Variants in CLDN10 observed in about 807,000 individuals in gnomAD.
CLDN10 encodes the protein claudin-10.
A neutral mutation model predicts 22.9 loss-of-function variants in CLDN10; 15 were observed. The observed-to-expected ratio is 0.65, with a 90% confidence interval of 0.44 to 1.01. The LOEUF is 1.01. CLDN10 is among the 50% of genes least tolerant of loss of function. The probability of loss-of-function intolerance (pLI) is 0.00; values close to 1 mark genes in which losing one functional copy is unlikely to be tolerated. For synonymous variants in CLDN10, 114 were observed against 111.4 expected, an observed-to-expected ratio of 1.02 and a Z score of -0.15; for missense variants, 247 against 287.8, an observed-to-expected ratio of 0.86 and a Z score of 1.03.
intron 3 of CLDN10, among the ~76,000 whole-genome samples, chr13:95,567,817 G>A (rs1336148113): frequency 5.3e-5 from 8 of 152,174 alleles, no homozygotes; most frequent in African/African-American, 2.4e-5. Context: ...TTTATTGAGA[G>A]TTTTTAGCAT....
intron 1 of CLDN10, among the ~76,000 whole-genome samples, chr13:95,543,863 G>T (rs763168012): frequency 1.3e-5 from 2 of 151,752 alleles, no homozygotes; most frequent in Non-Finnish European, 2.9e-5. Flanking sequence ...AATTATTTGA[G>T]GATTAATTTA....
chr13:95,482,491 C>T (rs901059902), intron 1 of CLDN10, among the ~76,000 whole-genome samples: 2 of 152,198 alleles, frequency 1.3e-5, no homozygotes, highest in African/African-American at 2.4e-5. Context: ...ATAGATGGGT[C>T]TTCTAGGTGC....
intron 3 of CLDN10, among the ~76,000 whole-genome samples, chr13:95,563,131 T>G (rs961243737): frequency 6.6e-6 from 1 of 151,000 alleles, no homozygotes; most frequent in African/African-American, 2.5e-5. Context: ...TCTCTCTCTC[T>G]CTCTGTCTGT....
chr13:95,541,268 G>A (rs2043457444), intron 1 of CLDN10, among the ~76,000 whole-genome samples: 1 of 152,246 alleles, frequency 6.6e-6, no homozygotes, highest in East Asian at 1.9e-4. Flanking sequence ...CAGGCTGCAA[G>A]TTACTGTTCT....
At chr13:95,555,526 T>G (rs2043626880) in intron 1 of CLDN10, among the ~76,000 whole-genome samples, 1 of 152,248 alleles carries the variant, frequency 6.6e-6, no homozygotes, top group Non-Finnish European at 1.5e-5. Flanking sequence ...TGATTTGTTA[T>G]GTAGGTTGCA....
intron 1 of CLDN10, among the ~76,000 whole-genome samples, chr13:95,467,627 G>A (rs2042593423): frequency 6.6e-6 from 1 of 152,098 alleles, no homozygotes; most frequent in South Asian, 2.1e-4. Flanking sequence ...GTGGAGGTGT[G>A]GCTTAGCCAA....
chr13:95,471,250 C>T (rs1196005484), intron 1 of CLDN10, among the ~76,000 whole-genome samples: 1 of 151,740 alleles, frequency 6.6e-6, no homozygotes, highest in Non-Finnish European at 1.5e-5. Flanking sequence ...GTGACTGTCT[C>T]GAGATGACTC....
At chr13:95,509,884 C>A (rs1319844183) in intron 1 of CLDN10, among the ~76,000 whole-genome samples, 1 of 152,160 alleles carries the variant, frequency 6.6e-6, no homozygotes, top group African/African-American at 2.4e-5. Context: ...ACAATAGCAC[C>A]CTGACTGTAA....
rs2042406801 is a variant in CLDN10 at position 95,448,896 on chromosome 13, C to T, written c.214+14849C>T. On this transcript the variant is annotated intron_variant, in intron 1 of 4. Transcript: ENST00000376873. ...CTGGGATTATAGGCGCATGCCACCA[C>T]GCCCAGCTATTTTTGTATTTTTACT... 3.0e-5 allele frequency among the ~76,000 whole-genome samples: 4 copies of T among 133,832 alleles called. No individual in the cohort carries two copies. The South Asian group carries it at 7.4e-4, about 25-fold the overall frequency. The allele number at this position is 133,832 out of a possible 152,430, so 87.8% of individuals were successfully genotyped here.
intron 1 of CLDN10, among the ~76,000 whole-genome samples, chr13:95,503,832 G>C (rs2043010294): frequency 6.6e-6 from 1 of 152,218 alleles, no homozygotes; most frequent in Admixed American, 6.5e-5. Flanking sequence ...TAGGGAGAAG[G>C]GGGAGGGAGA....
chr13:95,524,094 C>CTTTT (rs36014421), intron 1 of CLDN10, among the ~76,000 whole-genome samples: 1 of 137,910 alleles, frequency 7.3e-6, no homozygotes, highest in Non-Finnish European at 1.5e-5. Context: ...CTTTGACTGG[C>CTTTT]TTTTTTTTTT....
intron 3 of CLDN10, among the ~76,000 whole-genome samples, chr13:95,572,136 TGTG>T (rs1350048238): frequency 6.6e-6 from 1 of 152,160 alleles, no homozygotes; most frequent in Non-Finnish European, 1.5e-5. Flanking sequence ...CACCTCTTTT[TGTG>T]CCGGAAGAAA....
chr13:95,547,754 T>G (rs888460890), upstream of CLDN10, among the ~76,000 whole-genome samples: 4 of 152,250 alleles, frequency 2.6e-5, no homozygotes, highest in Non-Finnish European at 5.9e-5. Flanking sequence ...GAAAGTACCA[T>G]GCCTTATCAC....
intron 1 of CLDN10, among the ~76,000 whole-genome samples, chr13:95,514,845 T>C (rs148056727): frequency 2.0e-4 from 31 of 152,284 alleles, no homozygotes; most frequent in African/African-American, 6.3e-4. Context: ...AGATGAATTT[T>C]AAGGTGACAA....
In CLDN10 at chr13:95,560,183, T is replaced by G; in HGVS notation, c.272T>G (p.Phe91Cys). The G allele has an allele frequency of 6.2e-7, 1 of 1,614,232 alleles. No homozygotes were observed. Among genetic ancestry groups the G allele is most frequent in the South Asian group, 1.1e-5 (1 of 91,088 alleles). The change falls in exon 2 of 5, where the codon TTC (phenylalanine) becomes TGC (cysteine). Residue 91 changes from phenylalanine (F) to cysteine (C), a missense_variant. Phe to Cys is a radical substitution (Grantham distance 205, BLOSUM62 -2). Coordinates refer to ENST00000299339, the MANE Select transcript of CLDN10 (RefSeq NM_006984.5). ...GLMIAAVSLG[F>C]FGSIFALFGM... Reference sequence around the variant, plus strand: ...ATGATCGCTGCTGTCAGCCTGGGCTTCTTTGGTTCCATATTTGCGCTCTTT... The same window carrying G: ...ATGATCGCTGCTGTCAGCCTGGGCTGCTTTGGTTCCATATTTGCGCTCTTT...
intron 1 of CLDN10, among the ~76,000 whole-genome samples, chr13:95,512,343 G>A (rs1411450356): frequency 6.6e-6 from 1 of 151,762 alleles, no homozygotes; most frequent in Non-Finnish European, 1.5e-5. Context: ...GACCAACAAG[G>A]CTAGGACCAA....
intron 1 of CLDN10, among the ~76,000 whole-genome samples, chr13:95,493,857 G>T (rs2042901835): frequency 6.6e-6 from 1 of 152,086 alleles, no homozygotes; most frequent in Admixed American, 6.6e-5. Flanking sequence ...ACCATGCCCG[G>T]CCATATTTGT....
chr13:95,501,815 T>C (rs757622229), intron 1 of CLDN10, among the ~76,000 whole-genome samples: 5 of 152,230 alleles, frequency 3.3e-5, no homozygotes, highest in Non-Finnish European at 7.3e-5. Context: ...TGGGTTCAAG[T>C]CTACATCCTG....
At chr13:95,443,460 A>G (rs2042343319) in intron 1 of CLDN10, among the ~76,000 whole-genome samples, 1 of 152,184 alleles carries the variant, frequency 6.6e-6, no homozygotes, top group South Asian at 2.1e-4. Context: ...TCAGGAAAGA[A>G]GTTTTATACT....
Sources: gnomAD v4.1 joint callset for allele counts (sites outside exome capture counted in the v4.1 genomes callset) on GRCh38, gnomAD v4.1.1 for gene constraint, MANE v1.5 for transcripts, NCBI Gene and HGNC (gene_info 2026-07-23, HGNC 2026-07-21) for gene names.